Variants in SCN1A observed in about 807,000 individuals in gnomAD.
The protein encoded by SCN1A is sodium voltage-gated channel alpha subunit 1, also known as sodium channel protein type 1 subunit alpha.
Under a neutral mutation model 193.7 loss-of-function variants are expected in SCN1A, and 13 were observed. The observed-to-expected ratio is 0.07, with a 90% CI of 0.04 to 0.11. The LOEUF (loss-of-function observed/expected upper bound fraction) is 0.11, where lower values mean the gene tolerates loss of function less well. SCN1A is among the 10% of genes least tolerant of loss of function. The pLI, the probability that SCN1A is intolerant of heterozygous loss-of-function variation, is 1.00. For synonymous variants in SCN1A, 781 were observed against 843.6 expected (o/e 0.93, Z 1.29); for missense variants, 1,432 against 2,451.1 (o/e 0.58, Z 8.78).
At chr2:166,068,120 C>T (rs1174646845) in intron 4 of SCN1A, among the ~76,000 whole-genome samples, 1 of 152,048 alleles carries the variant, frequency 6.6e-6, no homozygotes, top group African/African-American at 2.4e-5. Context: ...GCAGAGCTGA[C>T]CATGGAAAAG....
At chr2:166,024,109 C>T (rs1299535536) in intron 19 of SCN1A, among the ~76,000 whole-genome samples, 1 of 151,970 alleles carries the variant, frequency 6.6e-6, no homozygotes, top group African/African-American at 2.4e-5. Context: ...TGTGGTGGTG[C>T]ATGCTACTTT....
At chr2:166,028,829 G>C (rs773621059) in intron 19 of SCN1A, among the ~76,000 whole-genome samples, 3 of 152,048 alleles carry the variant, frequency 2.0e-5, no homozygotes, top group African/African-American at 7.2e-5. Context: ...TGCCCTCGTC[G>C]GTTCACAATC....
chr2:166,128,228 C>A (rs960732510), upstream of SCN1A, among the ~76,000 whole-genome samples: 1 of 151,980 alleles, frequency 6.6e-6, no homozygotes. Flanking sequence ...GCTTCTCTTT[C>A]ATTCCCTATT....
intron 19 of SCN1A, among the ~76,000 whole-genome samples, chr2:166,034,325 A>G (rs1199589169): frequency 1.3e-5 from 2 of 152,158 alleles, no homozygotes; most frequent in African/African-American, 2.4e-5. Context: ...TTATTCAGAG[A>G]CTCATTATAA....
Position 165,992,460 on chromosome 2 carries a change from A to C in SCN1A, c.4853-38T>G, listed in dbSNP as rs781436092. 1 of 1,610,242 alleles carries C rather than the reference A, an allele frequency of 6.2e-7. No individual in the cohort carries two copies. On this transcript the variant is annotated intron_variant, in intron 28 of 28. Coordinates refer to ENST00000674923, the MANE Select transcript of SCN1A (RefSeq NM_001165963.4). The surrounding 1 kb of genome is among the most constrained non-coding windows in gnomAD (Gnocchi z 6.5). ...AATGAGAATACCAACCAGTGAAGAA[A>C]TCATGCGTTAAAATAAACATATGTT...
At chr2:166,003,163 G>A (rs978682254) in intron 23 of SCN1A, among the ~76,000 whole-genome samples, 1 of 150,960 alleles carries the variant, frequency 6.6e-6, no homozygotes, top group Non-Finnish European at 1.5e-5. Flanking sequence ...TAAAACATTT[G>A]GACCTGAGTT....
chr2:166,058,828 A>G, intron 4 of SCN1A, 140 bp from the exon 5 acceptor site: 2 of 611,988 alleles, frequency 3.3e-6, no homozygotes, highest in South Asian at 3.9e-5. Context: ...AAAGTGCCCC[A>G]TGAAAACAAA....
intron 23 of SCN1A, among the ~76,000 whole-genome samples, chr2:166,006,451 TAGAA>T: frequency 6.6e-6 from 1 of 151,564 alleles, no homozygotes; most frequent in Admixed American, 6.6e-5. Context: ...TTTAAAATCC[TAGAA>T]AGTTAGTTGG....
At chr2:166,110,548 A>C (rs1231405887) in intron 2 of SCN1A, among the ~76,000 whole-genome samples, 1 of 152,194 alleles carries the variant, frequency 6.6e-6, no homozygotes, top group Non-Finnish European at 1.5e-5. Context: ...AACTCTGTGA[A>C]GGCTGAGAGA....
intron 2 of SCN1A, among the ~76,000 whole-genome samples, chr2:166,094,426 A>G (rs1687157011): frequency 6.6e-6 from 1 of 152,192 alleles, no homozygotes; most frequent in Non-Finnish European, 1.5e-5. Flanking sequence ...TATTAAATTG[A>G]GTCAAATTTA....
chr2:166,005,459 C>T (rs977792722), intron 23 of SCN1A, among the ~76,000 whole-genome samples: 6 of 151,294 alleles, frequency 4.0e-5, no homozygotes, highest in South Asian at 2.1e-4. Flanking sequence ...GAATTTATGA[C>T]GCAAGCATGT....
chr2:166,083,409 C>T (rs150768731), intron 2 of SCN1A, among the ~76,000 whole-genome samples: 3,116 of 152,038 alleles, frequency 0.02, 51 homozygotes, highest in South Asian at 0.055. Context: ...TTGTATACTC[C>T]AGGGGTGTTT....
intron 19 of SCN1A, among the ~76,000 whole-genome samples, chr2:166,034,305 C>G (rs1320660000): frequency 6.6e-6 from 1 of 152,156 alleles, no homozygotes; most frequent in African/African-American, 2.4e-5. Flanking sequence ...AAAGTGGAGG[C>G]TGACCTAGAT....
chr2:166,073,599 G>A lies in SCN1A; in HGVS notation c.23C>T (p.Pro8Leu), dbSNP rs1365133608. The change falls in exon 4 of 29, where the codon CCA (proline) becomes CTA (leucine). Residue 8 changes from proline to leucine, a missense_variant. Transcript: ENST00000674923. MEQTVLV[P>L]PGPDSFNFFT... is the part of the protein sequence containing the mutation. Reference sequence around the variant, plus strand: ...GAAGTTGAAGCTGTCAGGTCCTGGTGGTACAAGCACTGTTTGCTCCATCTT... The same window carrying A: ...GAAGTTGAAGCTGTCAGGTCCTGGTAGTACAAGCACTGTTTGCTCCATCTT... The A allele has an allele frequency of 1.9e-6, 3 of 1,613,900 alleles. No homozygotes were observed. Among genetic ancestry groups the A allele is most frequent in the East Asian group, 2.2e-5 (1 of 44,886 alleles).
chr2:166,009,740 T>C lies in SCN1A; in HGVS notation c.3981A>G (p.Leu1327=). The C allele has an allele frequency of 6.2e-7, 1 of 1,606,310 alleles. No individual in the cohort carries two copies. Among genetic ancestry groups the C allele is most frequent in the South Asian group, 1.1e-5 (1 of 90,802 alleles). ...TLRALRPLRA[L]SRFEGMRVVV... ...TTACCCTCATCCCTTCAAATCGAGA[T>C]AAGGCTCTTAGAGGTCTCAGAGCTC... The change falls in exon 23 of 29, where the codon TTA becomes TTG. Residue 1327 remains leucine (L), a synonymous_variant. Transcript: ENST00000674923.
intron 19 of SCN1A, among the ~76,000 whole-genome samples, chr2:166,024,888 A>G (rs1325023695): frequency 6.6e-6 from 1 of 152,174 alleles, no homozygotes; most frequent in African/African-American, 2.4e-5. Flanking sequence ...TCCGGAGCTC[A>G]AGCAATTCAC....
At chr2:166,070,901 A>G (rs1684350602) in intron 4 of SCN1A, among the ~76,000 whole-genome samples, 2 of 152,188 alleles carry the variant, frequency 1.3e-5, no homozygotes, top group South Asian at 4.1e-4. Context: ...AGGAGCAGAG[A>G]TACTAAATTT....
chr2:166,120,265 AT>A (rs1210850705), intron 2 of SCN1A, among the ~76,000 whole-genome samples: 1 of 151,214 alleles, frequency 6.6e-6, no homozygotes, highest in Non-Finnish European at 1.5e-5. Context: ...GTAATATTCT[AT>A]TTTTAAAACA....
chr2:166,087,400 G>T (rs1019761128), intron 2 of SCN1A, among the ~76,000 whole-genome samples: 2 of 152,056 alleles, frequency 1.3e-5, no homozygotes, highest in African/African-American at 2.4e-5. Context: ...TGGGAAGCTG[G>T]GAGGGAGAGG....
Sources: allele counts gnomAD v4.1 joint callset (sites outside exome capture counted in the v4.1 genomes callset), GRCh38; gene constraint gnomAD v4.1.1; non-coding constraint Gnocchi (gnomAD v3.1); transcripts MANE v1.5; gene names NCBI Gene and HGNC (gene_info 2026-07-23, HGNC 2026-07-21).